The following ITGA8 variants were observed in gnomAD, a reference collection of about 807,000 sequenced individuals.
The protein encoded by ITGA8 is integrin alpha-8.
In ITGA8, 91 loss-of-function variants were observed where a neutral mutation model predicts 142.3. The ratio of observed to expected loss-of-function variants is 0.64; its 90% CI spans 0.54 to 0.76. ITGA8 has a LOEUF of 0.76. Ranked by LOEUF, ITGA8 falls within the 30% of genes least tolerant of loss-of-function variation. The pLI is 0.00. For synonymous variants in ITGA8, 505 were observed against 485.2 expected (o/e 1.04, Z -0.54); for missense variants, 1,406 against 1,327.7 (o/e 1.06, Z -0.92).
At chr10:15,620,541 T>C (rs979614414) in intron 13 of ITGA8, among the ~76,000 whole-genome samples, 1 of 152,314 alleles carries the variant, frequency 6.6e-6, no homozygotes, top group Admixed American at 6.5e-5. Flanking sequence ...TTCATGAGAA[T>C]GTGGTCACGG....
At chr10:15,601,689 G>T (rs543182092) in intron 20 of ITGA8, among the ~76,000 whole-genome samples, 23 of 151,888 alleles carry the variant, frequency 1.5e-4, no homozygotes, top group South Asian at 4.2e-4. Flanking sequence ...GAAATATAAA[G>T]GCTGGCTCAA....
chr10:15,658,350 T>C (rs2131668609), intron 10 of ITGA8, among the ~76,000 whole-genome samples: 2 of 152,274 alleles, frequency 1.3e-5, no homozygotes, highest in African/African-American at 4.8e-5. Context: ...TATTGAAAGA[T>C]TCATGTTAAT....
At chr10:15,702,571 G>A (rs887578488) in intron 2 of ITGA8, among the ~76,000 whole-genome samples, 11 of 152,130 alleles carry the variant, frequency 7.2e-5, no homozygotes, top group South Asian at 2.1e-4. Flanking sequence ...GATTATAGGC[G>A]TGAGCCACCG....
chr10:15,585,080 ACACT>A (rs1832799741), intron 23 of ITGA8, among the ~76,000 whole-genome samples: 1 of 152,172 alleles, frequency 6.6e-6, no homozygotes, highest in Non-Finnish European at 1.5e-5. Context: ...TTACAGTGTA[ACACT>A]CAGGCAGTTG....
intron 28 of ITGA8, among the ~76,000 whole-genome samples, chr10:15,524,703 G>A (rs1358158756): frequency 6.6e-6 from 1 of 152,210 alleles, no homozygotes; most frequent in Admixed American, 6.5e-5. Context: ...CTTAAGAGAA[G>A]ACGACTTAAC....
chr10:15,642,215 A>T (rs1255213172), intron 13 of ITGA8, among the ~76,000 whole-genome samples: 1 of 152,122 alleles, frequency 6.6e-6, no homozygotes, highest in Non-Finnish European at 1.5e-5. Context: ...CTGCTTTTAA[A>T]TTTTTTCTCC....
intron 2 of ITGA8, among the ~76,000 whole-genome samples, chr10:15,711,880 T>C (rs145311142): frequency 0.014 from 2,057 of 152,330 alleles, 22 homozygotes; most frequent in Middle Eastern, 0.027. Context: ...ACCACAGACC[T>C]AAACTCTGGC....
intron 10 of ITGA8, among the ~76,000 whole-genome samples, chr10:15,655,698 C>T (rs945106975): frequency 6.6e-6 from 1 of 152,192 alleles, no homozygotes; most frequent in Non-Finnish European, 1.5e-5. Flanking sequence ...CTAAATCTGG[C>T]TCTTCCATAA....
chr10:15,660,871 G>T lies in ITGA8; in HGVS notation c.891+8C>A. The T allele has an allele frequency of 6.2e-7, 1 of 1,610,588 alleles. No homozygotes were observed. Among genetic ancestry groups the T allele is most frequent in the Non-Finnish European group, 8.5e-7 (1 of 1,177,010 alleles). On this transcript the variant is annotated splice_region_variant and intron_variant, in intron 9 of 29. Transcript: ENST00000378076. ...ACCCTATTCCTGTAATGCATTCTCA[G>T]TACTCACATATCCAAAATTCTGTGC... is the stretch of plus-strand genomic sequence containing the variant.
chr10:15,605,175 G>A (rs1833172169), intron 19 of ITGA8, among the ~76,000 whole-genome samples: 1 of 152,132 alleles, frequency 6.6e-6, no homozygotes, highest in Admixed American at 6.6e-5. Flanking sequence ...AGAATACAGT[G>A]CAATTTCCAG....
At chr10:15,552,432 C>T (rs778923499) in intron 26 of ITGA8, among the ~76,000 whole-genome samples, 1 of 152,184 alleles carries the variant, frequency 6.6e-6, no homozygotes, top group South Asian at 2.1e-4. Context: ...GACACTACAC[C>T]CTGTCTAACT....
At position 15,650,863 on chromosome 10, in the gene ITGA8, C is replaced by A. The variant is rs190056443; in HGVS notation, c.1002-3812G>T. ...AATTGATAGGCAAGAGCTAACATCA[C>A]TTCAATTACATTACAGAAATTAATC... On this transcript the variant is annotated intron_variant, in intron 11 of 29. Coordinates refer to ENST00000378076, the MANE Select transcript of ITGA8 (RefSeq NM_003638.3). Among the ~76,000 whole-genome samples, 582 of 152,244 alleles carry A rather than the reference C, an allele frequency of 3.8e-3. 2 individuals are homozygous for A. Among genetic ancestry groups the A allele is most frequent in the African/African-American group, 0.013 (556 of 41,552 alleles).
At position 15,678,917 on chromosome 10, in the gene ITGA8, A is replaced by T. The variant is rs1834684084; in HGVS notation, c.569-134T>A. ...AATGATCAATATGTGTTTTATGTTT[A>T]TTTTTAAAATGTTGTTCAAGTAATT... On this transcript the variant is annotated intron_variant, in intron 4 of 29. Coordinates refer to ENST00000378076, the MANE Select transcript of ITGA8 (RefSeq NM_003638.3). 2.3e-5 allele frequency: 12 copies of T among 516,090 alleles called. No homozygotes were observed. The Middle Eastern group carries it at 1.5e-3, about 64-fold the overall frequency. 32.0% of individuals were successfully genotyped at this position (516,090 alleles called of 1,614,324 possible).
At chr10:15,678,318 A>T (rs1355507157) in intron 5 of ITGA8, among the ~76,000 whole-genome samples, 1 of 152,156 alleles carries the variant, frequency 6.6e-6, no homozygotes, top group African/African-American at 2.4e-5. Flanking sequence ...AATTTTTTGA[A>T]AGGATATATG....
intron 13 of ITGA8, among the ~76,000 whole-genome samples, chr10:15,621,613 T>C (rs1044418445): frequency 6.6e-6 from 1 of 150,604 alleles, no homozygotes; most frequent in Non-Finnish European, 1.5e-5. Context: ...AGGTTTGGAT[T>C]AGGTGGGCAG....
chr10:15,605,679 T>C, intron 19 of ITGA8, 45 bp downstream of exon 19: 1 of 1,470,388 alleles, frequency 6.8e-7, no homozygotes, highest in Non-Finnish European at 9.5e-7. Context: ...TAAATACCTG[T>C]AATTCCATTA....
At chr10:15,674,269 A>C (rs1834585112) in intron 6 of ITGA8, among the ~76,000 whole-genome samples, 1 of 152,150 alleles carries the variant, frequency 6.6e-6, no homozygotes, top group South Asian at 2.1e-4. Context: ...CCACATACAC[A>C]CTGTCTTTGC....
chr10:15,608,418 CA>C (rs1833237584), intron 15 of ITGA8, 128 bp from the exon 16 acceptor site: 10 of 572,976 alleles, frequency 1.7e-5, no homozygotes, highest in Admixed American at 3.4e-5. Flanking sequence ...CACACACACA[CA>C]CACACCCACA....
chr10:15,670,413 G>A (rs1834489895), intron 8 of ITGA8, among the ~76,000 whole-genome samples: 1 of 152,174 alleles, frequency 6.6e-6, no homozygotes, highest in Non-Finnish European at 1.5e-5. Context: ...ATAGCCTAAG[G>A]AATAGAGAGT....
Sources: gnomAD v4.1 joint callset for allele counts (sites outside exome capture counted in the v4.1 genomes callset) on GRCh38, gnomAD v4.1.1 for gene constraint, MANE v1.5 for transcripts, NCBI Gene and HGNC (gene_info 2026-07-23, HGNC 2026-07-21) for gene names.